RBPMS: variants seen among roughly 807,000 people sequenced by gnomAD.
RBPMS encodes the protein RNA-binding protein with multiple splicing.
RBPMS carries 7 observed loss-of-function variants against 26.8 expected under a neutral mutation model. The observed-to-expected ratio is 0.26, with a 90% CI of 0.15 to 0.49. RBPMS has a LOEUF of 0.49. RBPMS is among the 20% of genes least tolerant of loss of function. The probability of loss-of-function intolerance (pLI) is 0.98; values close to 1 mark genes in which losing one functional copy is unlikely to be tolerated. For missense variants in RBPMS, 186 were observed against 250.0 expected (o/e 0.74, Z 1.73); for synonymous variants, 96 against 93.3 (o/e 1.03, Z -0.17).
chr8:30,558,634 T>G (rs1827179442), intron 6 of RBPMS: 1 of 577,652 alleles, frequency 1.7e-6, no homozygotes, highest in Non-Finnish European at 3.1e-6. Context: ...GAGGAGTTGG[T>G]GGAACCTCGG....
At chr8:30,519,547 G>C (rs373894759) in intron 5 of RBPMS, among the ~76,000 whole-genome samples, 3 of 134,298 alleles carry the variant, frequency 2.2e-5, no homozygotes, top group African/African-American at 5.6e-5. Context: ...GCAGTGGTGC[G>C]ATCTCGGCTC....
chr8:30,555,747 T>G, intron 6 of RBPMS: 1 of 354,280 alleles, frequency 2.8e-6, no homozygotes. Flanking sequence ...TGGAGGGAAC[T>G]GTAGGTTTCC....
intron 8 of RBPMS, among the ~76,000 whole-genome samples, chr8:30,566,810 C>T (rs893370596): frequency 8.5e-5 from 13 of 152,110 alleles, no homozygotes; most frequent in African/African-American, 3.1e-4. Context: ...ATATGATCAG[C>T]CATTTGATGA....
At chr8:30,519,456 CTCTTTTTTTTTTTTTTTTTTTTTT>C (rs1822778630) in intron 5 of RBPMS, among the ~76,000 whole-genome samples, 1 of 116,490 alleles carries the variant, frequency 8.6e-6, no homozygotes, top group Non-Finnish European at 1.7e-5. Context: ...GAGGATCTCT[CTCTTTTTTTTTTTTTTTTTTTTTT>C]TTTTTTTTTT....
intron 6 of RBPMS, chr8:30,555,913 C>T (rs558441286): frequency 4.5e-5 from 44 of 984,644 alleles, no homozygotes; most frequent in East Asian, 1.1e-4. Flanking sequence ...TGTTCCCCCC[C>T]ACCGGGCCGG....
At chr8:30,511,479 AAAAAAAAATAT>A (rs1821611983) in intron 5 of RBPMS, among the ~76,000 whole-genome samples, 4 of 87,098 alleles carry the variant, frequency 4.6e-5, no homozygotes, top group African/African-American at 1.9e-4. Context: ...AAGAAAAAAA[AAAAAAAAATAT>A]ATATATATAT....
chr8:30,477,609 C>T (rs1237969009), intron 2 of RBPMS, among the ~76,000 whole-genome samples, 190 bp from the exon 3 acceptor site: 1 of 126,186 alleles, frequency 7.9e-6, no homozygotes, highest in African/African-American at 3.1e-5. Flanking sequence ...TTTTTAAAGG[C>T]CCCAAGAATG....
chr8:30,461,597 A>G (rs1179200511), intron 1 of RBPMS, among the ~76,000 whole-genome samples: 2 of 152,202 alleles, frequency 1.3e-5, no homozygotes, highest in South Asian at 2.1e-4. Context: ...GGGTTTCACC[A>G]TGTTAGCCAG....
At chr8:30,432,194 T>C (rs1362272306) in intron 1 of RBPMS, among the ~76,000 whole-genome samples, 4 of 151,844 alleles carry the variant, frequency 2.6e-5, no homozygotes, top group African/African-American at 9.7e-5. Flanking sequence ...AACCAATCTC[T>C]TACTTATTAA....
chr8:30,390,435 T>G (rs1469735797), intron 1 of RBPMS, among the ~76,000 whole-genome samples: 1 of 152,232 alleles, frequency 6.6e-6, no homozygotes, highest in African/African-American at 2.4e-5. Context: ...ACCATACTGC[T>G]GGGCCCTCCA....
intron 1 of RBPMS, among the ~76,000 whole-genome samples, chr8:30,474,094 A>AAACAAC (rs140129097): frequency 6.6e-5 from 10 of 151,576 alleles, no homozygotes; most frequent in Non-Finnish European, 1.0e-4. Context: ...AAAATTTAAA[A>AAACAAC]AACAACAACA....
At chr8:30,517,189 CGTGTGTGTGTGTGTGTGTGTGTGTGT>C (rs56327512) in intron 5 of RBPMS, among the ~76,000 whole-genome samples, 10 of 132,562 alleles carry the variant, frequency 7.5e-5, no homozygotes, top group South Asian at 5.1e-4. Context: ...GCCAAGACCC[CGTGTGTGTGTGTGTGTGTGTGTGTGT>C]GTGTGTGTGT....
At chr8:30,446,850 C>CACGT (rs1563326581) in intron 1 of RBPMS, 29 of 136,522 alleles carry the variant, frequency 2.1e-4, no homozygotes, top group African/African-American at 8.6e-4. Context: ...TGTGCGCGCG[C>CACGT]GCGCGCGCGG....
intron 5 of RBPMS, among the ~76,000 whole-genome samples, chr8:30,533,451 T>A (rs1824452182): frequency 6.6e-6 from 1 of 152,226 alleles, no homozygotes; most frequent in African/African-American, 2.4e-5. Context: ...TTTTGAGATG[T>A]CCACACTTTG....
chr8:30,567,984 G>C lies in RBPMS; in HGVS notation c.*111+1624G>C, dbSNP rs146477248. Among the ~76,000 whole-genome samples the C allele has an allele frequency of 3.5e-3, 530 of 152,328 alleles. 3 individuals are homozygous for C. Among genetic ancestry groups the C allele is most frequent in the Non-Finnish European group, 4.7e-3 (323 of 68,024 alleles). ...AGTGCTTATGTGACCTACCCTTGGA[G>C]GGCAGAGATGGGCCATTCTCCATGG... is the stretch of plus-strand genomic sequence containing the variant. On this transcript the variant is annotated intron_variant, in intron 8 of 8. Transcript: ENST00000397323.
chr8:30,512,668 C>T (rs1172352023), intron 5 of RBPMS, among the ~76,000 whole-genome samples: 2 of 152,122 alleles, frequency 1.3e-5, no homozygotes, highest in Non-Finnish European at 2.9e-5. Context: ...CGCTGTGTCT[C>T]TAACTTCTGG....
intron 6 of RBPMS, among the ~76,000 whole-genome samples, chr8:30,558,014 A>G (rs1435348376): frequency 6.6e-6 from 1 of 152,140 alleles, no homozygotes; most frequent in Non-Finnish European, 1.5e-5. Flanking sequence ...ACAGGCATGC[A>G]TGCCCACGCC....
chr8:30,556,667 C>G (rs1447278399), intron 6 of RBPMS: 1 of 986,104 alleles, frequency 1.0e-6, no homozygotes, highest in Non-Finnish European at 1.2e-6. Flanking sequence ...GGTGTCCAGC[C>G]CCCCACCTGC....
chr8:30,464,706 C>A (rs1297786607), intron 1 of RBPMS, among the ~76,000 whole-genome samples: 3 of 152,096 alleles, frequency 2.0e-5, no homozygotes, highest in Non-Finnish European at 4.4e-5. Flanking sequence ...TGACTTGTTT[C>A]TTTGAACAAA....
Sources: allele counts gnomAD v4.1 joint callset (sites outside exome capture counted in the v4.1 genomes callset), GRCh38; gene constraint gnomAD v4.1.1; transcripts MANE v1.5; gene names NCBI Gene and HGNC (gene_info 2026-07-23, HGNC 2026-07-21).